YARS1: variants seen among roughly 807,000 people sequenced by gnomAD.
YARS1 encodes the protein tyrosine--tRNA ligase, cytoplasmic.
A neutral mutation model predicts 62.2 loss-of-function variants in YARS1; 36 were observed. The ratio of observed to expected loss-of-function variants is 0.58; its 90% CI spans 0.44 to 0.76. YARS1 has a LOEUF of 0.76. Among genes scored for constraint, YARS1 ranks in the 30% least tolerant of loss-of-function variants. The probability of loss-of-function intolerance (pLI) is 0.00; values close to 1 mark genes in which losing one functional copy is unlikely to be tolerated. For missense variants in YARS1, 524 were observed against 639.8 expected, an observed-to-expected ratio of 0.82 and a Z score of 1.95; for synonymous variants, 234 against 244.9, an observed-to-expected ratio of 0.96 and a Z score of 0.42.
rs1057524362 is a variant in YARS1 at position 32,780,265 on chromosome 1, T to G, written c.1154A>C (p.Asp385Ala). 7 of 1,613,994 alleles carry G rather than the reference T, an allele frequency of 4.3e-6. No individual in the cohort carries two copies. Among genetic ancestry groups the G allele is most frequent in the Non-Finnish European group, 5.9e-6 (7 of 1,180,040 alleles). The change falls in exon 11 of 13, where the codon GAC (aspartate) becomes GCC (alanine). Residue 385 changes from aspartate (D) to alanine (A), a missense_variant. Physicochemically the swap from Asp to Ala is moderately radical, Grantham distance 126 (BLOSUM62 -2). Coordinates refer to ENST00000373477, the MANE Select transcript of YARS1 (RefSeq NM_003680.4). The part of the protein sequence containing the change: ...IITVEKHPDA[D>A]SLYVEKIDVG... ...GTCAATCTTCTCTACATACAGGCTG[T>G]CTGCATCTGGGTGCTGCCAGGGAGA...
At chr1:32,791,941 C>A (rs1451181567) in intron 5 of YARS1, among the ~76,000 whole-genome samples, 1 of 152,102 alleles carries the variant, frequency 6.6e-6, no homozygotes, top group African/African-American at 2.4e-5. Flanking sequence ...AAACCAGGTG[C>A]TGATAAAAAG....
chr1:32,812,202 G>C (rs182632384), intron 1 of YARS1, among the ~76,000 whole-genome samples: 238 of 152,208 alleles, frequency 1.6e-3, no homozygotes, highest in Middle Eastern at 6.8e-3. Flanking sequence ...GTTTAGTAGA[G>C]AAGTCTCACT....
chr1:32,784,206 A>C (rs1653149478), intron 8 of YARS1, among the ~76,000 whole-genome samples: 1 of 148,644 alleles, frequency 6.7e-6, no homozygotes, highest in Non-Finnish European at 1.5e-5. Flanking sequence ...GTAGAGACAG[A>C]GTCTCACTAT....
chr1:32,800,450 G>A (rs981766223), intron 4 of YARS1, among the ~76,000 whole-genome samples: 1 of 152,174 alleles, frequency 6.6e-6, no homozygotes, highest in Non-Finnish European at 1.5e-5. Flanking sequence ...GACCAGCCTA[G>A]ACAACATAGT....
chr1:32,812,798 T>C (rs536195258), intron 1 of YARS1, among the ~76,000 whole-genome samples: 2 of 152,046 alleles, frequency 1.3e-5, no homozygotes, highest in South Asian at 4.2e-4. Context: ...GGTGAAACCA[T>C]CTCTACTAAA....
At chr1:32,810,859 TCTTGGGTCTCC>T (rs1638568789) in intron 2 of YARS1, 41 bp downstream of exon 2, 9 of 1,614,046 alleles carry the variant, frequency 5.6e-6, no homozygotes, top group South Asian at 5.5e-5. Context: ...GTTAAGTCTC[TCTTGGGTCTCC>T]CTTGGGTCAT....
chr1:32,781,571 A>G (rs1481188629), intron 9 of YARS1: 1 of 175,928 alleles, frequency 5.7e-6, no homozygotes, highest in Non-Finnish European at 1.2e-5. Context: ...AAAAAAAAAA[A>G]AAATTTTACT....
At chr1:32,801,135 AAG>A (rs1159739728) in intron 4 of YARS1, among the ~76,000 whole-genome samples, 1 of 152,212 alleles carries the variant, frequency 6.6e-6, no homozygotes, top group Non-Finnish European at 1.5e-5. Context: ...GAAGAAGTAA[AAG>A]AGCTTCCCAG....
chr1:32,779,137 A>C (rs1444149793), intron 12 of YARS1, among the ~76,000 whole-genome samples: 2 of 152,188 alleles, frequency 1.3e-5, no homozygotes, highest in African/African-American at 2.4e-5. Context: ...GATCAAATGA[A>C]GAAATGTCTG....
At position 32,775,300 on chromosome 1, in the gene YARS1, A is replaced by C. The variant is rs78319035; in HGVS notation, c.*681T>G. ...GATGGGGATTTGACTGAGATGCCTTATGGAGAAGTACCCCACCCTCTATGA... is the reference window on the plus strand; with the variant it reads ...GATGGGGATTTGACTGAGATGCCTTCTGGAGAAGTACCCCACCCTCTATGA... On this transcript the variant is annotated 3_prime_UTR_variant, in exon 13 of 13. Transcript: ENST00000373477. 1,004 of 152,878 alleles carry C rather than the reference A, an allele frequency of 6.6e-3. 14 individuals are homozygous for C. The highest frequency in any genetic ancestry group is 0.023 in the African/African-American group (945 of 41,570). 9.5% of individuals were successfully genotyped at this position (152,878 alleles called of 1,614,324 possible). A position where few individuals can be genotyped will look rare whatever the true frequency, so the allele number is the denominator to read the frequency against.
At chr1:32,779,961 C>T in intron 11 of YARS1, 124 bp downstream of exon 11, 1 of 1,170,010 alleles carries the variant, frequency 8.5e-7, no homozygotes, top group South Asian at 1.2e-5. Context: ...CTTTTGGCAT[C>T]AGCAAGGAAG....
In YARS1 at chr1:32,781,154, G is replaced by A; in HGVS notation, c.1043-9C>T. ...GCCTTTGGCCATTGGCTCTGGGAAT[G>A]AGAAGAACCCCATGAGGTAGAATTC... On this transcript the variant is annotated splice_polypyrimidine_tract_variant and intron_variant, in intron 9 of 12. Transcript: ENST00000373477. 1 of 1,611,090 alleles carries A rather than the reference G, an allele frequency of 6.2e-7. No individual in the cohort carries two copies. Among genetic ancestry groups the A allele is most frequent in the Non-Finnish European group, 8.5e-7 (1 of 1,177,328 alleles).
chr1:32,801,250 C>T (rs1569754756), intron 4 of YARS1, among the ~76,000 whole-genome samples: 1 of 151,626 alleles, frequency 6.6e-6, no homozygotes, highest in Non-Finnish European at 1.5e-5. Context: ...GGTTTGTGTA[C>T]AGTACAGGCA....
chr1:32,815,087 C>T (rs1008158460), intron 1 of YARS1, among the ~76,000 whole-genome samples: 12 of 152,144 alleles, frequency 7.9e-5, no homozygotes, highest in African/African-American at 2.7e-4. Context: ...CTGTGGCTCA[C>T]TCTGTAATCC....
At chr1:32,780,936 G>C (rs1653033045) in intron 10 of YARS1, 112 bp downstream of exon 10, 1 of 951,940 alleles carries the variant, frequency 1.1e-6, no homozygotes. Flanking sequence ...ACTCTGACTT[G>C]CAATATGACC....
chr1:32,785,109 G>A (rs1482134926), intron 8 of YARS1, among the ~76,000 whole-genome samples: 3 of 152,092 alleles, frequency 2.0e-5, no homozygotes, highest in African/African-American at 7.2e-5. Context: ...ATCGAATCTG[G>A]GAACCACCTG....
At chr1:32,798,815 C>T (rs1389535507) in intron 4 of YARS1, among the ~76,000 whole-genome samples, 1 of 151,958 alleles carries the variant, frequency 6.6e-6, no homozygotes, top group African/African-American at 2.4e-5. Flanking sequence ...AGAGTGAAGC[C>T]CTGTCTCAAA....
At chr1:32,794,682 G>C (rs968297875) in intron 5 of YARS1, among the ~76,000 whole-genome samples, 1 of 151,296 alleles carries the variant, frequency 6.6e-6, no homozygotes, top group East Asian at 2.0e-4. Context: ...GACCCATTGC[G>C]CCCAGCCAAG....
intron 4 of YARS1, among the ~76,000 whole-genome samples, chr1:32,804,792 G>A (rs1304269749): frequency 6.6e-6 from 1 of 152,032 alleles, no homozygotes; most frequent in Non-Finnish European, 1.5e-5. Flanking sequence ...CAGACGATGG[G>A]CGGCCAGGCA....
Sources: allele counts gnomAD v4.1 joint callset (sites outside exome capture counted in the v4.1 genomes callset), GRCh38; gene constraint gnomAD v4.1.1; transcripts MANE v1.5; gene names NCBI Gene and HGNC (gene_info 2026-07-23, HGNC 2026-07-21).